PDZD2: variants seen among roughly 807,000 people sequenced by gnomAD.
PDZD2 encodes PDZ domain containing 2, also known as PDZ domain-containing protein 2.
Under a neutral mutation model 220.7 loss-of-function variants are expected in PDZD2, and 90 were observed. The ratio of observed to expected loss-of-function variants is 0.41; its 90% confidence interval spans 0.34 to 0.49. The LOEUF (loss-of-function observed/expected upper bound fraction) is 0.49. Among genes scored for constraint, PDZD2 ranks in the 20% least tolerant of loss-of-function variants. PDZD2 has a pLI of 0.28. For missense variants in PDZD2, 3,174 were observed against 3,608.5 expected (o/e 0.88, Z 3.08); for synonymous variants, 1,375 against 1,450.5 (o/e 0.95, Z 1.18).
chr5:31,958,655 C>G (rs1747945588), intron 2 of PDZD2, among the ~76,000 whole-genome samples: 1 of 152,124 alleles, frequency 6.6e-6, no homozygotes. Flanking sequence ...GGATCTTGCT[C>G]TTTCACCCAG....
chr5:31,675,259 C>T (rs77072875), intron 1 of PDZD2, among the ~76,000 whole-genome samples: 317 of 152,220 alleles, frequency 2.1e-3, no homozygotes, highest in African/African-American at 7.3e-3. Flanking sequence ...AGGCTGAAGC[C>T]CCAAAGCTGG....
intron 2 of PDZD2, among the ~76,000 whole-genome samples, chr5:31,889,354 C>T (rs956243108): frequency 6.6e-6 from 1 of 152,146 alleles, no homozygotes; most frequent in Non-Finnish European, 1.5e-5. Context: ...ATGCTTTTAA[C>T]ACTTGGCCAG....
intron 8 of PDZD2, among the ~76,000 whole-genome samples, chr5:32,051,042 G>C (rs1738493987): frequency 6.6e-6 from 1 of 152,132 alleles, no homozygotes. Context: ...ATGTTAGACA[G>C]CACGGGTCTA....
At chr5:31,699,904 AAAAAG>A (rs944714413) in intron 1 of PDZD2, among the ~76,000 whole-genome samples, 1 of 151,422 alleles carries the variant, frequency 6.6e-6, no homozygotes, top group Non-Finnish European at 1.5e-5. Context: ...TATTTTATTT[AAAAAG>A]AAAAGAAGAA....
At chr5:31,839,403 C>A (rs1757137483) in intron 2 of PDZD2, among the ~76,000 whole-genome samples, 1 of 151,778 alleles carries the variant, frequency 6.6e-6, no homozygotes, top group Non-Finnish European at 1.5e-5. Flanking sequence ...GAAAAAAAAA[C>A]AGATTTTAAG....
At position 31,646,099 on chromosome 5, in the gene PDZD2, G is replaced by A. The variant is rs1366563178; in HGVS notation, c.-361+6662G>A. 3.3e-5 allele frequency among the ~76,000 whole-genome samples: 5 copies of A among 152,110 alleles called. No homozygotes were observed. Among genetic ancestry groups the A allele is most frequent in the South Asian group, 2.1e-4 (1 of 4,810 alleles). ...TAGGGAGATCTCAGGATACCTAGGC[G>A]GAAGAAAATAAACACCAACTCTTTT... is the stretch of plus-strand genomic sequence containing the variant. On this transcript the variant is annotated intron_variant, in intron 1 of 24. Coordinates refer to ENST00000438447, the MANE Select transcript of PDZD2 (RefSeq NM_178140.4). This position sits in a 1 kb window ranked among gnomAD's most constrained non-coding sequence, Gnocchi z 4.7.
At chr5:32,063,857 T>G (rs913478407) in intron 14 of PDZD2, among the ~76,000 whole-genome samples, 3 of 152,214 alleles carry the variant, frequency 2.0e-5, no homozygotes, top group African/African-American at 7.2e-5. Flanking sequence ...ACCCCAAGAA[T>G]GTTAAGCATT....
At chr5:32,063,043 T>TATTATTATTATTATC (rs1316516126) in intron 14 of PDZD2, among the ~76,000 whole-genome samples, 1 of 148,794 alleles carries the variant, frequency 6.7e-6, no homozygotes, top group South Asian at 2.1e-4. Context: ...TTATTATTAT[T>TATTATTATTATTATC]ATTATTATTA....
chr5:32,090,178 G>A lies in PDZD2; in HGVS notation c.6730G>A (p.Gly2244Ser). ...GGAGGGTCACCCCCCACACAGCCTG[G>A]GTCGCTCTCGGGACAGCCAGGTCCC... ...GREGHPPHSL[G>S]RSRDSQVPVT... is the part of the protein sequence containing the mutation. Residue 2244 changes from glycine (G) to serine (S), a missense_variant, in exon 20 of 25, where the codon GGT (glycine) becomes AGT (serine). By Grantham distance (56) the Gly-to-Ser change is moderately conservative. Coordinates refer to ENST00000438447, the MANE Select transcript of PDZD2 (RefSeq NM_178140.4). The surrounding 1 kb of genome is among the most constrained non-coding windows in gnomAD (Gnocchi z 4.3). The A allele has an allele frequency of 6.2e-7, 1 of 1,614,042 alleles. No individual in the cohort carries two copies. The highest frequency in any genetic ancestry group is 1.3e-5 in the African/African-American group (1 of 75,026).
Position 32,097,278 on chromosome 5 carries a change from G to A in PDZD2, c.7846-1G>A. On this transcript the variant is annotated splice_acceptor_variant, in intron 21 of 24. Coordinates refer to ENST00000438447, the MANE Select transcript of PDZD2 (RefSeq NM_178140.4). LOFTEE classifies it high-confidence loss of function. ...GGATAATTTTTGTTTGTTTTCACTAGAATGAAGAAGATGTTTGCTTCATAG... is the reference window on the plus strand; with the variant it reads ...GGATAATTTTTGTTTGTTTTCACTAAAATGAAGAAGATGTTTGCTTCATAG... 6.3e-7 allele frequency: 1 copy of A among 1,595,208 alleles called. No individual in the cohort carries two copies. Among genetic ancestry groups the A allele is most frequent in the South Asian group, 1.1e-5 (1 of 90,696 alleles).
At chr5:31,930,736 G>A (rs16901687) in intron 2 of PDZD2, among the ~76,000 whole-genome samples, 21,808 of 152,110 alleles carry the variant, frequency 0.14, 1,624 homozygotes, top group South Asian at 0.24. Flanking sequence ...GTGTGACTCA[G>A]TACAGCAGAA....
intron 6 of PDZD2, among the ~76,000 whole-genome samples, chr5:32,026,705 A>G (rs1013087676): frequency 1.3e-5 from 2 of 152,092 alleles, no homozygotes; most frequent in East Asian, 1.9e-4. Context: ...CCAGCCCCCA[A>G]ATCCAAAGAA....
chr5:31,806,174 G>C (rs1202026675), intron 2 of PDZD2, among the ~76,000 whole-genome samples: 1 of 152,202 alleles, frequency 6.6e-6, no homozygotes, highest in East Asian at 1.9e-4. Context: ...TTAGAGCACT[G>C]TGGATGTTTT....
intron 1 of PDZD2, among the ~76,000 whole-genome samples, chr5:31,682,298 A>G (rs1212498877): frequency 1.3e-5 from 2 of 152,120 alleles, no homozygotes; most frequent in Non-Finnish European, 2.9e-5. Flanking sequence ...TTGGGTGTGC[A>G]AGGCCAATAT....
At chr5:31,986,389 C>G (rs6886401) in intron 3 of PDZD2, among the ~76,000 whole-genome samples, 106,209 of 152,012 alleles carry the variant, frequency 0.7, 37,956 homozygotes, top group Middle Eastern at 0.79. Flanking sequence ...ATTTTCTCAG[C>G]CTCGAATATT....
chr5:31,918,770 T>C (rs533429017), intron 2 of PDZD2, among the ~76,000 whole-genome samples: 12 of 151,980 alleles, frequency 7.9e-5, no homozygotes, highest in Middle Eastern at 3.4e-3. Flanking sequence ...ATCTCATTGA[T>C]GGCACCGGCA....
At chr5:32,052,242 T>A (rs534802246) in intron 8 of PDZD2, among the ~76,000 whole-genome samples, 1 of 152,170 alleles carries the variant, frequency 6.6e-6, no homozygotes, top group East Asian at 1.9e-4. Context: ...ACCTCCCAGG[T>A]TCAAGCGATT....
At chr5:31,763,877 A>AAAAAAC (rs1751816724) in intron 1 of PDZD2, among the ~76,000 whole-genome samples, 2 of 152,088 alleles carry the variant, frequency 1.3e-5, no homozygotes, top group African/African-American at 4.8e-5. Flanking sequence ...GATTAAAAAA[A>AAAAAAC]AAAAAAAAAA....
chr5:32,063,208 C>A (rs1739858299), intron 14 of PDZD2, among the ~76,000 whole-genome samples: 1 of 151,914 alleles, frequency 6.6e-6, no homozygotes, highest in Non-Finnish European at 1.5e-5. Context: ...CCATGCCCAG[C>A]TAATTTTTGC....
Sources: gnomAD v4.1 joint callset for allele counts (sites outside exome capture counted in the v4.1 genomes callset) on GRCh38, gnomAD v4.1.1 for gene constraint, Gnocchi (gnomAD v3.1) non-coding constraint, MANE v1.5 for transcripts, NCBI Gene and HGNC (gene_info 2026-07-23, HGNC 2026-07-21) for gene names.